ZNF236: variants seen among roughly 807,000 people sequenced by gnomAD.
ZNF236 encodes regulated by glucose.
Under a neutral mutation model 191.2 loss-of-function variants are expected in ZNF236, and 50 were observed. That is an observed-to-expected ratio of 0.26 (90% CI 0.21 to 0.33). ZNF236 has a LOEUF of 0.33. ZNF236 is among the 10% of genes least tolerant of loss of function. The probability of loss-of-function intolerance (pLI) is 1.00; values close to 1 mark genes in which losing one functional copy is unlikely to be tolerated. For missense variants in ZNF236, 1,754 were observed against 2,374.5 expected (o/e 0.74, Z 5.43); for synonymous variants, 907 against 928.8 (o/e 0.98, Z 0.43).
rs534331044 is a variant in ZNF236, at chr18:76,925,999, G to A, written c.4027+445G>A. Reference sequence around the variant, plus strand: ...TGTGTGCCTGTGAGTAAATGCAGCCGTTGTACATGGCAGTCAGATGTCCTG... The same window carrying A: ...TGTGTGCCTGTGAGTAAATGCAGCCATTGTACATGGCAGTCAGATGTCCTG... On this transcript the variant is annotated intron_variant, in intron 22 of 30. Coordinates refer to ENST00000320610, the MANE Select transcript of ZNF236 (RefSeq NM_001306089.2). This position sits in a 1 kb window ranked among gnomAD's most constrained non-coding sequence, Gnocchi z 5.7. 6.6e-5 allele frequency among the ~76,000 whole-genome samples: 10 copies of A among 152,292 alleles called. No individual in the cohort carries two copies. The East Asian group carries it at 1.3e-3, about 21-fold the overall frequency.
At chr18:76,860,521 T>C (rs1440902427) in intron 3 of ZNF236, among the ~76,000 whole-genome samples, 1 of 152,250 alleles carries the variant, frequency 6.6e-6, no homozygotes, top group Non-Finnish European at 1.5e-5. Flanking sequence ...GCCAGGTTCT[T>C]TCCAGATCAC....
rs1362973710 is a variant in ZNF236 at position 76,960,531 on chromosome 18, C to T, written c.5243-148C>T. 41 of 1,037,450 alleles carry T rather than the reference C, an allele frequency of 4.0e-5. No individual in the cohort carries two copies. Among genetic ancestry groups the T allele is most frequent in the Non-Finnish European group, 5.6e-5 (39 of 694,786 alleles). 64.3% of individuals were successfully genotyped at this position (1,037,450 alleles called of 1,614,324 possible). ...GGCTCCCTCTGGTCTCCCTATGGCT[C>T]CTCCAGCCCTTTGTTCAGATGACAG... On this transcript the variant is annotated intron_variant, in intron 29 of 30. Transcript: ENST00000320610. The surrounding 1 kb of genome is among the most constrained non-coding windows in gnomAD (Gnocchi z 4.4).
chr18:76,851,973 C>G (rs1250051379), intron 3 of ZNF236, 34 bp downstream of exon 3: 1 of 1,564,778 alleles, frequency 6.4e-7, no homozygotes, highest in East Asian at 2.3e-5. Flanking sequence ...ACTTTGTTAA[C>G]TGATTGTTAA....
chr18:76,939,492 C>T (rs1443775472), intron 26 of ZNF236, among the ~76,000 whole-genome samples: 1 of 152,100 alleles, frequency 6.6e-6, no homozygotes, highest in Non-Finnish European at 1.5e-5. Flanking sequence ...CTAGTGAAGC[C>T]CCCTGAGGTC....
At chr18:76,904,345 C>A in intron 11 of ZNF236, 35 bp from the exon 12 acceptor site, 1 of 1,570,242 alleles carries the variant, frequency 6.4e-7, no homozygotes, top group Non-Finnish European at 8.6e-7. Context: ...CTAGCATTGA[C>A]AGTGAATTAC....
At chr18:76,858,436 A>G (rs531003289) in intron 3 of ZNF236, among the ~76,000 whole-genome samples, 3 of 152,364 alleles carry the variant, frequency 2.0e-5, no homozygotes, top group Admixed American at 2.0e-4. Flanking sequence ...ATACTTCAGG[A>G]TGTAGCCCCT....
Position 76,880,375 on chromosome 18 carries a change from G to C in ZNF236, c.1188+59G>C. 1 of 1,495,608 alleles carries C rather than the reference G, an allele frequency of 6.7e-7. No homozygotes were observed. Among genetic ancestry groups the C allele is most frequent in the Non-Finnish European group, 9.0e-7 (1 of 1,108,710 alleles). The allele number at this position is 1,495,608 out of a possible 1,614,324, so 92.6% of individuals were successfully genotyped here. On this transcript the variant is annotated intron_variant, in intron 8 of 30. Coordinates refer to ENST00000320610, the MANE Select transcript of ZNF236 (RefSeq NM_001306089.2). This position sits in a 1 kb window ranked among gnomAD's most constrained non-coding sequence, Gnocchi z 5.0. ...GTGCTCGTGCTGGGTCAGAAACCAG[G>C]GATGATAATTGAGAATAAATCTGCA...
rs1326800317 is a variant in ZNF236, at chr18:76,908,344, A to G, written c.2322A>G (p.Gln774=). 2.5e-6 allele frequency: 4 copies of G among 1,613,954 alleles called. No homozygotes were observed. Among genetic ancestry groups the G allele is most frequent in the South Asian group, 1.1e-5 (1 of 91,090 alleles). Residue 774 remains glutamine, a synonymous_variant, in exon 14 of 31, where the codon CAA becomes CAG. Transcript: ENST00000320610. ...THRYELAQQL[Q]QHQQAASIDD... is the part of the protein sequence containing the mutation. The stretch of plus-strand genomic sequence containing the variant: ...GATATGAGCTTGCCCAGCAGCTCCA[A>G]CAGCATCAGCAGGCAGCCTCGATAG...
At chr18:76,904,584 C>T (rs1568222056) in intron 12 of ZNF236, 63 bp downstream of exon 12, 42 of 1,438,200 alleles carry the variant, frequency 2.9e-5, no homozygotes, top group Non-Finnish European at 3.1e-5. Flanking sequence ...GACCTGATGA[C>T]GTCTAGAAGT....
chr18:76,899,089 T>G lies in ZNF236; in HGVS notation c.1761T>G (p.Ile587Met). Reference protein sequence around the residue: ...FRTSGHRKTHIASHFKHTELR... With the variant: ...FRTSGHRKTHMASHFKHTELR... ...CCTCAGGCCATAGGAAGACTCACAT[T>G]GCTTCCCACTTTAAACATACGGAAT... is the stretch of plus-strand genomic sequence containing the variant. The change falls in exon 11 of 31, where the codon ATT becomes ATG. Residue 587 changes from isoleucine (I) to methionine (M), a missense_variant. Ile to Met is a conservative substitution (Grantham distance 10, BLOSUM62 1). Coordinates refer to ENST00000320610, the MANE Select transcript of ZNF236 (RefSeq NM_001306089.2). 2 of 1,614,170 alleles carry G rather than the reference T, an allele frequency of 1.2e-6. No homozygotes were observed. Among genetic ancestry groups the G allele is most frequent in the Non-Finnish European group, 1.7e-6 (2 of 1,180,018 alleles).
intron 29 of ZNF236, 103 bp downstream of exon 29, chr18:76,959,919 C>A: frequency 7.4e-7 from 1 of 1,352,510 alleles, no homozygotes; most frequent in African/African-American, 1.4e-5. Context: ...CGATGGAATG[C>A]TTTATTTATA....
At position 76,868,746 on chromosome 18, in the gene ZNF236, T is replaced by TG. The variant is rs777866787; in HGVS notation, c.427dup (p.Glu143GlyfsTer39). 6.2e-7 allele frequency: 1 copy of TG among 1,613,944 alleles called. No individual in the cohort carries two copies. Among genetic ancestry groups the TG allele is most frequent in the Non-Finnish European group, 8.5e-7 (1 of 1,179,894 alleles). On this transcript the variant is annotated frameshift_variant, in exon 4 of 31. Transcript: ENST00000320610. LOFTEE classifies it high-confidence loss of function. ...CTGCAGAGTCAGCTGGCCGTGCACATGGAGGAGCACCGCCAGGAGCTGGCT... is the reference window on the plus strand; with the variant it reads ...CTGCAGAGTCAGCTGGCCGTGCACATGGGAGGAGCACCGCCAGGAGCTGGCT...
At chr18:76,918,753 C>T (rs186663533) in intron 19 of ZNF236, among the ~76,000 whole-genome samples, 113 of 152,282 alleles carry the variant, frequency 7.4e-4, no homozygotes, top group African/African-American at 2.5e-3. Flanking sequence ...TGGACTCTTG[C>T]TGTGTGGCCC....
intron 3 of ZNF236, among the ~76,000 whole-genome samples, chr18:76,865,830 T>A (rs1293409961): frequency 6.6e-6 from 1 of 152,238 alleles, no homozygotes; most frequent in African/African-American, 2.4e-5. Context: ...TAAAATTGGT[T>A]TAGAAAATAA....
chr18:76,950,983 C>T (rs1048180798), intron 27 of ZNF236, among the ~76,000 whole-genome samples: 16 of 152,194 alleles, frequency 1.1e-4, no homozygotes, highest in African/African-American at 3.6e-4. Flanking sequence ...TGTCAATGAG[C>T]AGGAATATTT....
At chr18:76,848,346 A>G (rs1348853143) in intron 1 of ZNF236, among the ~76,000 whole-genome samples, 1 of 152,232 alleles carries the variant, frequency 6.6e-6, no homozygotes, top group Non-Finnish European at 1.5e-5. Context: ...TGATACAAAT[A>G]GCTGTGTGTA....
chr18:76,945,704 A>G (rs1196907939), intron 26 of ZNF236, among the ~76,000 whole-genome samples: 2 of 152,200 alleles, frequency 1.3e-5, no homozygotes, highest in Non-Finnish European at 1.5e-5. Context: ...GAATCACTTG[A>G]ACCCGGGAGG....
intron 13 of ZNF236, 90 bp downstream of exon 13, chr18:76,905,505 T>A: frequency 7.4e-7 from 1 of 1,356,394 alleles, no homozygotes; most frequent in South Asian, 1.4e-5. Flanking sequence ...TGTCTTTGAT[T>A]CTTACATTAT....
chr18:76,916,669 GCA>G (rs993022085), intron 19 of ZNF236, among the ~76,000 whole-genome samples: 3 of 152,182 alleles, frequency 2.0e-5, no homozygotes, highest in Non-Finnish European at 2.9e-5. Context: ...CGTTGCGCCA[GCA>G]CACAGATTGC....
Sources: allele counts gnomAD v4.1 joint callset (sites outside exome capture counted in the v4.1 genomes callset), GRCh38; gene constraint gnomAD v4.1.1; non-coding constraint Gnocchi (gnomAD v3.1); transcripts MANE v1.5; gene names NCBI Gene and HGNC (gene_info 2026-07-23, HGNC 2026-07-21).